Variants in NOP9 observed in about 807,000 individuals in gnomAD.
The protein encoded by NOP9 is NOP9 nucleolar protein.
Under a neutral mutation model 63.0 loss-of-function variants are expected in NOP9, and 50 were observed. The ratio of observed to expected loss-of-function variants is 0.79; its 90% CI spans 0.63 to 1.00. NOP9 has a LOEUF of 1.00. Among genes scored for constraint, NOP9 ranks in the 50% least tolerant of loss-of-function variants. The pLI, the probability that NOP9 is intolerant of heterozygous loss-of-function variation, is 0.00. For synonymous variants in NOP9, 343 were observed against 332.8 expected, an observed-to-expected ratio of 1.03 and a Z score of -0.33; for missense variants, 758 against 803.0, an observed-to-expected ratio of 0.94 and a Z score of 0.68.
the NOP9 span, among the ~76,000 whole-genome samples, chr14:24,284,162 G>A: frequency 6.6e-6 from 1 of 152,216 alleles, no homozygotes; most frequent in Admixed American, 6.5e-5. Context: ...CCCCCAGGAA[G>A]GTGAAACCTG....
Position 24,305,432 on chromosome 14 carries a change from A to G in NOP9, c.*337A>G. The stretch of plus-strand genomic sequence containing the variant: ...AGGCCAGAAAGGTGGCTAGGAAAGA[A>G]CAGCATTCTTCAGGTAAGGGTATAG... On this transcript the variant is annotated 3_prime_UTR_variant, in exon 10 of 10. Coordinates refer to ENST00000267425, the MANE Select transcript of NOP9 (RefSeq NM_174913.3). 1 of 657,220 alleles carries G rather than the reference A, an allele frequency of 1.5e-6. No individual in the cohort carries two copies. The highest frequency in any genetic ancestry group is 2.4e-5 in the South Asian group (1 of 41,906). 40.7% of individuals were successfully genotyped at this position (657,220 alleles called of 1,614,324 possible).
At chr14:24,280,496 C>T in the NOP9 span, among the ~76,000 whole-genome samples, 2 of 152,182 alleles carry the variant, frequency 1.3e-5, no homozygotes, top group African/African-American at 4.8e-5. Context: ...ACTACCTACC[C>T]AAGGGGACTC....
In NOP9 at chr14:24,300,643, AGAGGAG is replaced by A. The variant is rs71119069; in HGVS notation, c.504_509del (p.Glu168_Glu169del). 58 of 1,577,564 alleles carry A rather than the reference AGAGGAG, an allele frequency of 3.7e-5. No homozygotes were observed. Among genetic ancestry groups the A allele is most frequent in the East Asian group, 6.7e-5 (3 of 44,818 alleles). ...TCCCTCGATTGCTGGGGAGTGCTGC[AGAGGAG>A]GAGGAGGAGGAGGAGGAGGATGGAA... On this transcript the variant is annotated inframe_deletion, in exon 2 of 10. Transcript: ENST00000267425.
At position 24,306,976 on chromosome 14, in the gene NOP9, C is replaced by T. The variant is rs918525870; in HGVS notation, c.*1881C>T. 7 of 249,248 alleles carry T rather than the reference C, an allele frequency of 2.8e-5. No homozygotes were observed. Among genetic ancestry groups the T allele is most frequent in the Non-Finnish European group, 1.6e-5 (2 of 126,852 alleles). The allele number at this position is 249,248 out of a possible 1,614,324, so 15.4% of individuals were successfully genotyped here. A position where few individuals can be genotyped will look rare whatever the true frequency, so the allele number is the denominator to read the frequency against. On this transcript the variant is annotated 3_prime_UTR_variant, in exon 10 of 10. Transcript: ENST00000267425. ...ATTATCCTCTTACTCCTTTCAACAA[C>T]CCTAGGAGGTGATGTATTATTATTG...
chr14:24,280,231 C>A, the NOP9 span, among the ~76,000 whole-genome samples: 1 of 152,198 alleles, frequency 6.6e-6, no homozygotes, highest in Non-Finnish European at 1.5e-5. Context: ...TGTAGAAGGA[C>A]AACTCTGTCA....
At position 24,300,135 on chromosome 14, in the gene NOP9, G is replaced by A; in HGVS notation, c.181G>A (p.Ala61Thr). The A allele has an allele frequency of 1.2e-6, 2 of 1,613,986 alleles. No homozygotes were observed. Among genetic ancestry groups the A allele is most frequent in the Non-Finnish European group, 1.7e-6 (2 of 1,180,016 alleles). The change falls in exon 1 of 10, where the codon GCT becomes ACT. Residue 61 changes from alanine (A) to threonine (T), a missense_variant. Coordinates refer to ENST00000267425, the MANE Select transcript of NOP9 (RefSeq NM_174913.3). ...PDSHPHLSPE[A>T]LGYFRRALSA... is the part of the protein sequence containing the mutation. ...TTCGCACCCGCACCTGAGCCCGGAA[G>A]CTCTGGGATATTTCCGCCGGGCGCT...
chr14:24,292,654 C>T, the NOP9 span: 1 of 1,614,226 alleles, frequency 6.2e-7, no homozygotes, highest in Non-Finnish European at 8.5e-7. Context: ...GTCCTCACCG[C>T]AGCTTTGCCC....
chr14:24,286,978 C>G, the NOP9 span, among the ~76,000 whole-genome samples: 1 of 152,090 alleles, frequency 6.6e-6, no homozygotes, highest in Admixed American at 6.6e-5. Flanking sequence ...CAACCTCTGC[C>G]TCCCGGGTTC....
chr14:24,301,209 T>A (rs1379372253), intron 2 of NOP9, among the ~76,000 whole-genome samples: 2 of 151,736 alleles, frequency 1.3e-5, no homozygotes, highest in African/African-American at 4.8e-5. Flanking sequence ...CACTCTGTTA[T>A]TTTTTTTTCC....
At chr14:24,304,765 T>C (rs2041448619) in intron 9 of NOP9, among the ~76,000 whole-genome samples, 167 bp downstream of exon 9, 3 of 152,226 alleles carry the variant, frequency 2.0e-5, no homozygotes, top group African/African-American at 7.2e-5. Flanking sequence ...CGCTGACTGA[T>C]TGTGTAGTCC....
rs1566413750 is a variant in NOP9 at position 24,304,497 on chromosome 14, A to AATATGTGGCTCTGGCCTGTAGTCGCC, written c.1655_1680dup (p.Gly561MetfsTer14). On this transcript the variant is annotated frameshift_variant, in exon 9 of 10. Coordinates refer to ENST00000267425, the MANE Select transcript of NOP9 (RefSeq NM_174913.3). LOFTEE classifies it high-confidence loss of function. Reference sequence around the variant, plus strand: ...ACTTTGCTTGTCTCCATACAGGGACAATATGTGGCTCTGGCCTGTAGTCGC... The same window carrying AATATGTGGCTCTGGCCTGTAGTCGCC: ...ACTTTGCTTGTCTCCATACAGGGACAATATGTGGCTCTGGCCTGTAGTCGCCATATGTGGCTCTGGCCTGTAGTCGC... 6.2e-7 allele frequency: 1 copy of AATATGTGGCTCTGGCCTGTAGTCGCC among 1,608,400 alleles called. No homozygotes were observed. Among genetic ancestry groups the AATATGTGGCTCTGGCCTGTAGTCGCC allele is most frequent in the Non-Finnish European group, 8.5e-7 (1 of 1,178,198 alleles).
chr14:24,293,694 T>G, the NOP9 span: 38 of 151,894 alleles, frequency 2.5e-4, no homozygotes, highest in Non-Finnish European at 4.9e-4. Flanking sequence ...TCACCCATAT[T>G]AAAATGCACA....
upstream of NOP9, chr14:24,296,723 A>AAGTTCAAAGGGTACC: frequency 6.2e-7 from 1 of 1,614,146 alleles, no homozygotes; most frequent in South Asian, 1.1e-5. Context: ...GTTGGGAACA[A>AAGTTCAAAGGGTACC]AGTTCAAAGG....
the NOP9 span, among the ~76,000 whole-genome samples, chr14:24,281,363 T>C: frequency 2.0e-5 from 3 of 152,170 alleles, no homozygotes; most frequent in South Asian, 2.1e-4. Flanking sequence ...CTCTCACCAA[T>C]TGGTCTCACT....
the NOP9 span, among the ~76,000 whole-genome samples, chr14:24,281,362 A>G: frequency 1.2e-4 from 19 of 152,256 alleles, no homozygotes; most frequent in Non-Finnish European, 1.3e-4. Context: ...GCTCTCACCA[A>G]TTGGTCTCAC....
At chr14:24,302,672 A>G (rs1422542656) in intron 5 of NOP9, among the ~76,000 whole-genome samples, 1 of 152,236 alleles carries the variant, frequency 6.6e-6, no homozygotes, top group Non-Finnish European at 1.5e-5. Flanking sequence ...TTGAGGTTCC[A>G]TGGCCCACCC....
rs763437093 is a variant in NOP9 at position 24,304,966 on chromosome 14, C to T, written c.1782C>T (p.Asp594=). ...LGEQNQELIR[D]PFGHHVARNV... ...AGCAGAACCAGGAGCTGATAAGAGA[C>T]CCTTTCGGCCACCATGTGGCTCGAA... The change falls in exon 10 of 10, where the codon GAC becomes GAT. Residue 594 remains aspartate (D), a synonymous_variant. Coordinates refer to ENST00000267425, the MANE Select transcript of NOP9 (RefSeq NM_174913.3). 3.8e-6 allele frequency: 6 copies of T among 1,574,304 alleles called. No homozygotes were observed. Among genetic ancestry groups the T allele is most frequent in the Non-Finnish European group, 4.3e-6 (5 of 1,162,126 alleles).
chr14:24,289,264 G>A, the NOP9 span, among the ~76,000 whole-genome samples: 1 of 152,118 alleles, frequency 6.6e-6, no homozygotes, highest in Non-Finnish European at 1.5e-5. Flanking sequence ...TTACAGGTGT[G>A]AGCCACTGTG....
chr14:24,290,385 C>T, the NOP9 span, among the ~76,000 whole-genome samples: 1 of 152,200 alleles, frequency 6.6e-6, no homozygotes, highest in Non-Finnish European at 1.5e-5. Context: ...CAGTGTGAGA[C>T]TGGATGTGCC....
Sources: allele counts gnomAD v4.1 joint callset (sites outside exome capture counted in the v4.1 genomes callset), GRCh38; gene constraint gnomAD v4.1.1; transcripts MANE v1.5; gene names NCBI Gene and HGNC (gene_info 2026-07-23, HGNC 2026-07-21).